Variants in ENTREP2 observed in about 807,000 individuals in gnomAD.
ENTREP2 encodes endosomal transmembrane epsin interactor 2.
the ENTREP2 span, among the ~76,000 whole-genome samples, chr15:29,497,651 C>A: frequency 1.3e-5 from 2 of 151,982 alleles, no homozygotes; most frequent in Admixed American, 1.3e-4. Context: ...CCTTTCATTT[C>A]TGATTTTATT....
the ENTREP2 span, among the ~76,000 whole-genome samples, chr15:29,642,429 A>ATT: frequency 4.0e-5 from 6 of 149,882 alleles, no homozygotes; most frequent in East Asian, 7.8e-4. Context: ...GGGAATAACA[A>ATT]TTATATATAT....
chr15:29,244,033 CA>C, the ENTREP2 span, among the ~76,000 whole-genome samples: 1 of 152,310 alleles, frequency 6.6e-6, no homozygotes, highest in East Asian at 1.9e-4. Context: ...AATGTTGATG[CA>C]AAACTCTTAA....
At chr15:29,218,100 C>T in the ENTREP2 span, among the ~76,000 whole-genome samples, 137 of 152,300 alleles carry the variant, frequency 9.0e-4, 2 homozygotes, top group African/African-American at 3.2e-3. Flanking sequence ...GTGATGTGAA[C>T]CGTCAATGGG....
chr15:29,557,624 A>C, the ENTREP2 span, among the ~76,000 whole-genome samples: 1 of 152,176 alleles, frequency 6.6e-6, no homozygotes, highest in Non-Finnish European at 1.5e-5. Context: ...CTTCATACCC[A>C]CACCCACTTC....
At chr15:29,331,630 G>T in the ENTREP2 span, among the ~76,000 whole-genome samples, 1 of 152,270 alleles carries the variant, frequency 6.6e-6, no homozygotes, top group South Asian at 2.1e-4. Flanking sequence ...ATGAACACTG[G>T]TGCACCGATA....
At chr15:29,257,733 T>C in the ENTREP2 span, among the ~76,000 whole-genome samples, 2 of 152,326 alleles carry the variant, frequency 1.3e-5, no homozygotes, top group South Asian at 2.1e-4. Flanking sequence ...GTAACTATAA[T>C]GTATACCCCT....
chr15:29,213,220 A>G, the ENTREP2 span, among the ~76,000 whole-genome samples: 1 of 152,158 alleles, frequency 6.6e-6, no homozygotes, highest in Non-Finnish European at 1.5e-5. Context: ...GAAGTCAGGT[A>G]GCGTGATGCC....
chr15:29,438,644 C>T, the ENTREP2 span, among the ~76,000 whole-genome samples: 1 of 152,194 alleles, frequency 6.6e-6, no homozygotes, highest in Non-Finnish European at 1.5e-5. Context: ...CTGTGGTTTG[C>T]ACCTTTATGA....
the ENTREP2 span, chr15:29,268,818 C>T: frequency 1.2e-6 from 2 of 1,612,072 alleles, no homozygotes; most frequent in African/African-American, 2.7e-5. Context: ...GGCCACTAGG[C>T]TGAGGTCTGG....
chr15:29,274,294 A>G, the ENTREP2 span, among the ~76,000 whole-genome samples: 1 of 152,180 alleles, frequency 6.6e-6, no homozygotes, highest in African/African-American at 2.4e-5. Flanking sequence ...TTCTCTTCTC[A>G]CAAATAAACT....
the ENTREP2 span, among the ~76,000 whole-genome samples, chr15:29,325,753 G>A: frequency 6.6e-6 from 1 of 152,052 alleles, no homozygotes; most frequent in Non-Finnish European, 1.5e-5. Flanking sequence ...TATTCTATGA[G>A]GCCAGCATTA....
At chr15:29,569,147 C>T in the ENTREP2 span, among the ~76,000 whole-genome samples, 4 of 152,180 alleles carry the variant, frequency 2.6e-5, no homozygotes, top group Admixed American at 2.0e-4. Context: ...TCATGGCTCC[C>T]GTGTGCTTGC....
At chr15:29,293,658 G>A in the ENTREP2 span, among the ~76,000 whole-genome samples, 2 of 152,280 alleles carry the variant, frequency 1.3e-5, no homozygotes, top group African/African-American at 2.4e-5. Context: ...TGTGGGCATC[G>A]CTCTGTCCAG....
the ENTREP2 span, among the ~76,000 whole-genome samples, chr15:29,490,185 T>G: frequency 2.0e-5 from 3 of 152,192 alleles, no homozygotes; most frequent in African/African-American, 7.2e-5. Context: ...GGCCGGTGCA[T>G]CTGGAGTCGT....
the ENTREP2 span, among the ~76,000 whole-genome samples, chr15:29,380,539 T>C: frequency 6.6e-6 from 1 of 152,092 alleles, no homozygotes; most frequent in African/African-American, 2.4e-5. Context: ...GACACATACA[T>C]ATATTAATGC....
the ENTREP2 span, among the ~76,000 whole-genome samples, chr15:29,604,103 G>A: frequency 6.6e-6 from 1 of 152,202 alleles, no homozygotes; most frequent in African/African-American, 2.4e-5. Flanking sequence ...ATGCAAAGGA[G>A]TCCATGAGGA....
the ENTREP2 span, among the ~76,000 whole-genome samples, chr15:29,555,215 G>A: frequency 2.0e-5 from 3 of 152,188 alleles, no homozygotes; most frequent in Non-Finnish European, 4.4e-5. Flanking sequence ...GGGGAGAGGA[G>A]AGAGATTTGG....
At chr15:29,674,141 G>GGGGGC in the ENTREP2 span, among the ~76,000 whole-genome samples, 8 of 142,328 alleles carry the variant, frequency 5.6e-5, no homozygotes, top group Admixed American at 1.4e-4. Flanking sequence ...GGGGGGGGGG[G>GGGGGC]GGCTTTGCCA....
At chr15:29,601,657 A>G in the ENTREP2 span, among the ~76,000 whole-genome samples, 1 of 152,122 alleles carries the variant, frequency 6.6e-6, no homozygotes, top group Admixed American at 6.6e-5. Context: ...TTTACATCCC[A>G]TTCAAATTTC....
Sources: allele counts gnomAD v4.1 joint callset (sites outside exome capture counted in the v4.1 genomes callset), GRCh38; gene constraint gnomAD v4.1.1; transcripts MANE v1.5; gene names NCBI Gene and HGNC (gene_info 2026-07-23, HGNC 2026-07-21).